LHFPL3: variants seen among roughly 807,000 people sequenced by gnomAD.
The protein encoded by LHFPL3 is LHFPL tetraspan subfamily member 3.
A neutral mutation model predicts 19.3 loss-of-function variants in LHFPL3; 5 were observed. The ratio of observed to expected loss-of-function variants is 0.26; its 90% confidence interval spans 0.14 to 0.54. LHFPL3 has a LOEUF of 0.54. LHFPL3 is among the 20% of genes least tolerant of loss of function. LHFPL3 has a pLI of 0.94. For missense variants in LHFPL3, 249 were observed against 307.4 expected (o/e 0.81, Z 1.42); for synonymous variants, 133 against 126.2 (o/e 1.05, Z -0.36).
At chr7:104,579,744 A>AT (rs946744373) in intron 1 of LHFPL3, among the ~76,000 whole-genome samples, 4 of 152,218 alleles carry the variant, frequency 2.6e-5, no homozygotes, top group African/African-American at 9.6e-5. Flanking sequence ...AGCCCAACCC[A>AT]TAATATTACC....
chr7:104,471,491 A>G (rs1792905075), intron 1 of LHFPL3, among the ~76,000 whole-genome samples: 1 of 152,358 alleles, frequency 6.6e-6, no homozygotes, highest in Non-Finnish European at 1.5e-5. Context: ...CATGTTACAC[A>G]TGAGGAAACA....
chr7:104,447,230 G>A (rs1251349381), intron 1 of LHFPL3, among the ~76,000 whole-genome samples: 1 of 152,148 alleles, frequency 6.6e-6, no homozygotes, highest in Non-Finnish European at 1.5e-5. Flanking sequence ...ACTTTGCTAT[G>A]TTGTTGGGGT....
At chr7:104,877,256 C>T in intron 2 of LHFPL3, among the ~76,000 whole-genome samples, 1 of 148,810 alleles carries the variant, frequency 6.7e-6, no homozygotes. Flanking sequence ...TGCACATGTA[C>T]CCTAGAACTT....
chr7:104,649,498 T>C (rs1339118827), intron 1 of LHFPL3, among the ~76,000 whole-genome samples: 1 of 152,234 alleles, frequency 6.6e-6, no homozygotes, highest in African/African-American at 2.4e-5. Context: ...GGACAGCACC[T>C]GTCCCATAGT....
intron 1 of LHFPL3, among the ~76,000 whole-genome samples, chr7:104,624,779 A>G (rs192771204): frequency 2.6e-5 from 4 of 152,356 alleles, no homozygotes; most frequent in South Asian, 2.1e-4. Context: ...GTTGAGATCT[A>G]TGAAAGATGT....
chr7:104,848,819 A>G (rs922166205), intron 2 of LHFPL3, among the ~76,000 whole-genome samples: 3 of 152,182 alleles, frequency 2.0e-5, no homozygotes, highest in African/African-American at 7.2e-5. Context: ...GCCTGGTGGC[A>G]TATCAGCATG....
In LHFPL3 at chr7:104,666,512, C is replaced by CTTTTTTTTTTTTTTTTTTTTTT. The variant is rs71155514; in HGVS notation, c.446-70157_446-70136dup. 1.3e-3 allele frequency among the ~76,000 whole-genome samples: 55 copies of CTTTTTTTTTTTTTTTTTTTTTT among 42,236 alleles called. 16 individuals are homozygous for CTTTTTTTTTTTTTTTTTTTTTT. Among genetic ancestry groups the CTTTTTTTTTTTTTTTTTTTTTT allele is most frequent in the Admixed American group, 2.1e-3 (5 of 2,354 alleles). The allele number at this position is 42,236 out of a possible 152,430, so 27.7% of individuals were successfully genotyped here. ...TTGCTGAAAATGACAGGATTTCATT[C>CTTTTTTTTTTTTTTTTTTTTTT]TTTTTTTTTTTTTTTTTTTTTTTTT... is the stretch of plus-strand genomic sequence containing the variant. On this transcript the variant is annotated intron_variant, in intron 1 of 2. Coordinates refer to ENST00000424859, the MANE Select transcript of LHFPL3 (RefSeq NM_199000.3).
intron 1 of LHFPL3, among the ~76,000 whole-genome samples, chr7:104,470,930 T>G (rs931563835): frequency 1.3e-5 from 2 of 152,130 alleles, no homozygotes; most frequent in East Asian, 1.9e-4. Context: ...GAGAATGCCC[T>G]CCTGCCAGTC....
At chr7:104,697,984 T>C (rs1793029098) in intron 1 of LHFPL3, among the ~76,000 whole-genome samples, 1 of 152,200 alleles carries the variant, frequency 6.6e-6, no homozygotes, top group African/African-American at 2.4e-5. Flanking sequence ...TCCCAGGTTT[T>C]CATGTTCACT....
intron 2 of LHFPL3, among the ~76,000 whole-genome samples, chr7:104,887,257 G>A (rs1360185832): frequency 6.6e-6 from 1 of 152,220 alleles, no homozygotes; most frequent in African/African-American, 2.4e-5. Flanking sequence ...TACTGTATAA[G>A]AATATTACCC....
intron 1 of LHFPL3, among the ~76,000 whole-genome samples, chr7:104,569,477 G>C (rs924159380): frequency 1.3e-5 from 2 of 152,056 alleles, no homozygotes; most frequent in Admixed American, 1.3e-4. Context: ...CTCTTATTTG[G>C]GGGGAGGGGT....
intron 1 of LHFPL3, among the ~76,000 whole-genome samples, chr7:104,402,095 A>C (rs988930560): frequency 1.8e-4 from 28 of 151,962 alleles, no homozygotes; most frequent in East Asian, 5.8e-4. Context: ...AACTAAAAAA[A>C]AAAAAACAAA....
intron 2 of LHFPL3, among the ~76,000 whole-genome samples, chr7:104,760,499 C>G (rs576851840): frequency 2.0e-5 from 3 of 152,320 alleles, no homozygotes; most frequent in Non-Finnish European, 4.4e-5. Context: ...ATCATGTAAA[C>G]ATACAGTAGC....
intron 1 of LHFPL3, among the ~76,000 whole-genome samples, chr7:104,665,250 G>A (rs1388596689): frequency 6.6e-6 from 1 of 152,262 alleles, no homozygotes; most frequent in Non-Finnish European, 1.5e-5. Context: ...GGTAGTTTGT[G>A]TATCTATAAT....
chr7:104,825,017 C>T (rs1158930411), intron 2 of LHFPL3, among the ~76,000 whole-genome samples: 1 of 149,136 alleles, frequency 6.7e-6, no homozygotes, highest in Non-Finnish European at 1.5e-5. Flanking sequence ...CTTGTATGAT[C>T]CAGGTGGAAT....
intron 1 of LHFPL3, among the ~76,000 whole-genome samples, chr7:104,496,684 TA>T (rs1211835101): frequency 1.3e-5 from 2 of 152,178 alleles, no homozygotes; most frequent in Non-Finnish European, 2.9e-5. Flanking sequence ...CCAAGATTTT[TA>T]AACAAAGCTG....
At chr7:104,378,749 T>A (rs988674050) in intron 1 of LHFPL3, among the ~76,000 whole-genome samples, 1 of 152,254 alleles carries the variant, frequency 6.6e-6, no homozygotes, top group Non-Finnish European at 1.5e-5. Flanking sequence ...TGACTAGTGA[T>A]GATGTTAAGC....
chr7:104,768,890 A>G (rs1487056412), intron 2 of LHFPL3: 3 of 152,264 alleles, frequency 2.0e-5, no homozygotes, highest in Non-Finnish European at 4.4e-5. Context: ...ATTGGATAGT[A>G]TGAGTGAAAT....
chr7:104,841,995 C>A (rs1392537692), intron 2 of LHFPL3, among the ~76,000 whole-genome samples: 5 of 149,942 alleles, frequency 3.3e-5, no homozygotes, highest in Non-Finnish European at 7.4e-5. Context: ...TCCTGTCCTG[C>A]CCTTTCTTGA....
Sources: allele counts gnomAD v4.1 joint callset (sites outside exome capture counted in the v4.1 genomes callset), GRCh38; gene constraint gnomAD v4.1.1; transcripts MANE v1.5; gene names NCBI Gene and HGNC (gene_info 2026-07-23, HGNC 2026-07-21).